SPART: variants seen among roughly 807,000 people sequenced by gnomAD.
SPART encodes the protein spartin.
A neutral mutation model predicts 58.7 loss-of-function variants in SPART; 35 were observed. The ratio of observed to expected loss-of-function variants is 0.60; its 90% CI spans 0.46 to 0.79. The LOEUF (loss-of-function observed/expected upper bound fraction) is 0.79, where lower values mean the gene tolerates loss of function less well. Among genes scored for constraint, SPART ranks in the 30% least tolerant of loss-of-function variants. SPART has a pLI of 0.00. For missense variants in SPART, 730 were observed against 786.1 expected, an observed-to-expected ratio of 0.93 and a Z score of 0.85; for synonymous variants, 284 against 280.7, an observed-to-expected ratio of 1.01 and a Z score of -0.12.
chr13:36,341,206 A>T (rs1488729965), intron 1 of SPART, among the ~76,000 whole-genome samples: 2 of 152,202 alleles, frequency 1.3e-5, no homozygotes, highest in African/African-American at 2.4e-5. Flanking sequence ...TATGTGTATG[A>T]TAGAAAATTT....
rs1293963237 is a variant in SPART at position 36,304,512 on chromosome 13, T to C, written c.1854A>G (p.Thr618=). Residue 618 remains threonine (T), a synonymous_variant, in exon 9 of 9, where the codon ACA becomes ACG. Transcript: ENST00000438666. ...GIKAMVKKTA[T]QTGHTLLEDY... is the part of the protein sequence containing the mutation. ...CCTCAAGGAGAGTGTGTCCTGTTTG[T>C]GTTGCAGTTTTCTTCACCATTGCTT... The C allele has an allele frequency of 6.8e-6, 11 of 1,614,164 alleles. No individual in the cohort carries two copies. The highest frequency in any genetic ancestry group is 9.3e-6 in the Non-Finnish European group (11 of 1,180,012).
At chr13:36,339,967 G>A (rs1167510944) in intron 1 of SPART, among the ~76,000 whole-genome samples, 1 of 152,152 alleles carries the variant, frequency 6.6e-6, no homozygotes, top group African/African-American at 2.4e-5. Context: ...TACTCAGGAA[G>A]TGAGGCAGGA....
chr13:36,337,763 T>C lies in SPART; in HGVS notation c.-2-1931A>G, dbSNP rs1456625575. On this transcript the variant is annotated intron_variant, in intron 1 of 8. Transcript: ENST00000438666. Reference sequence around the variant, plus strand: ...CGATATTGTGGTGGTTGGATTCAACTAATTCTTTTTACTTAATAATGGCCC... The same window carrying C: ...CGATATTGTGGTGGTTGGATTCAACCAATTCTTTTTACTTAATAATGGCCC... Among the ~76,000 whole-genome samples, 3 of 152,220 alleles carry C rather than the reference T, an allele frequency of 2.0e-5. No homozygotes were observed. The East Asian group carries it at 5.8e-4, about 29-fold the overall frequency.
rs554227373 is a variant in SPART, at chr13:36,320,774, C to T, written c.1288+5801G>A. ...TCCTTTCCTACAGGGTCTGAGAAGG[C>T]CACTGCAGTCATTTCTTCCCTTCTG... On this transcript the variant is annotated intron_variant, in intron 5 of 8. Transcript: ENST00000438666. Among the ~76,000 whole-genome samples the T allele has an allele frequency of 1.1e-3, 171 of 152,274 alleles. 1 individual carries two copies. Among genetic ancestry groups the T allele is most frequent in the African/African-American group, 3.9e-3 (161 of 41,540 alleles).
At chr13:36,340,152 G>A (rs1884433715) in intron 1 of SPART, among the ~76,000 whole-genome samples, 1 of 152,006 alleles carries the variant, frequency 6.6e-6, no homozygotes. Flanking sequence ...CACAAGGTCA[G>A]GAGATCGAGA....
At chr13:36,359,929 A>AAAAC (rs1555266099) in intron 1 of SPART, among the ~76,000 whole-genome samples, 9 of 151,066 alleles carry the variant, frequency 6.0e-5, no homozygotes, top group African/African-American at 1.2e-4. Flanking sequence ...AATTTAAAAA[A>AAAAC]AAAAAAAAAA....
chr13:36,339,405 C>T (rs1168759343), intron 1 of SPART, among the ~76,000 whole-genome samples: 4 of 151,652 alleles, frequency 2.6e-5, no homozygotes, highest in African/African-American at 4.8e-5. Context: ...GAGGCTGAGG[C>T]GGGCAGATCA....
intron 3 of SPART, among the ~76,000 whole-genome samples, chr13:36,330,453 C>T (rs530778142): frequency 4.0e-5 from 6 of 148,488 alleles, no homozygotes; most frequent in African/African-American, 1.3e-4. Context: ...CACACACACA[C>T]ATCCCCCACA....
At chr13:36,344,079 A>G (rs1342668145) in intron 1 of SPART, among the ~76,000 whole-genome samples, 1 of 151,930 alleles carries the variant, frequency 6.6e-6, no homozygotes, top group African/African-American at 2.4e-5. Context: ...AATGAAAATG[A>G]AAATTAGATG....
chr13:36,328,004 G>A (rs956850476), intron 4 of SPART, among the ~76,000 whole-genome samples: 6 of 152,084 alleles, frequency 3.9e-5, no homozygotes, highest in Non-Finnish European at 8.8e-5. Context: ...CAGGGGTGAG[G>A]AGACAGGGGA....
chr13:36,354,894 A>C (rs533649508), intron 1 of SPART, among the ~76,000 whole-genome samples: 2 of 152,218 alleles, frequency 1.3e-5, no homozygotes, highest in Non-Finnish European at 2.9e-5. Flanking sequence ...GTTTTGGCAT[A>C]CTTTTAATAA....
upstream of SPART, among the ~76,000 whole-genome samples, chr13:36,348,678 A>G (rs1166585646): frequency 6.6e-6 from 1 of 152,222 alleles, no homozygotes; most frequent in Non-Finnish European, 1.5e-5. Context: ...ACCATACAAC[A>G]TTGCTGAAAG....
At position 36,326,312 on chromosome 13, in the gene SPART, T is replaced by A; in HGVS notation, c.1288+263A>T. 4.4e-6 allele frequency: 2 copies of A among 454,086 alleles called. 1 individual carries two copies. Among genetic ancestry groups the A allele is most frequent in the Non-Finnish European group, 8.0e-6 (2 of 250,702 alleles). The allele number at this position is 454,086 out of a possible 1,614,324, so 28.1% of individuals were successfully genotyped here. On this transcript the variant is annotated intron_variant, in intron 5 of 8. Transcript: ENST00000438666. The stretch of plus-strand genomic sequence containing the variant: ...TAACTAATTTTAGATTCAGAACTAT[T>A]AAGAATTTGAAGATTCCTGAAGCTT...
chr13:36,332,413 G>T (rs1883546341), intron 2 of SPART, among the ~76,000 whole-genome samples: 1 of 152,030 alleles, frequency 6.6e-6, no homozygotes, highest in Admixed American at 6.6e-5. Flanking sequence ...CTGAGGCAGG[G>T]GAATCACCTG....
chr13:36,314,649 G>A (rs1221861934), intron 5 of SPART, among the ~76,000 whole-genome samples: 1 of 152,156 alleles, frequency 6.6e-6, no homozygotes, highest in East Asian at 1.9e-4. Context: ...TACCTAGAAG[G>A]CCTGAGATTT....
intron 3 of SPART, 144 bp from the exon 4 acceptor site, chr13:36,329,661 T>G: frequency 2.5e-6 from 2 of 798,522 alleles, no homozygotes; most frequent in Middle Eastern, 3.6e-4. Context: ...TTTGCTTTTT[T>G]CTCTACGATT....
upstream of SPART, among the ~76,000 whole-genome samples, chr13:36,347,380 G>C (rs1278172143): frequency 6.6e-6 from 1 of 152,008 alleles, no homozygotes; most frequent in South Asian, 2.1e-4. Context: ...CACCACTCCC[G>C]TCTAATTTTT....
At chr13:36,321,258 G>A (rs9547258) in intron 5 of SPART, among the ~76,000 whole-genome samples, 87,929 of 151,258 alleles carry the variant, frequency 0.58, 26,817 homozygotes, top group Non-Finnish European at 0.69. Context: ...TACACTGCCA[G>A]TTTACACTGT....
Position 36,329,504 on chromosome 13 carries a change from C to T in SPART, c.1022G>A (p.Arg341Lys). Residue 341 changes from arginine to lysine, a missense_variant, in exon 4 of 9, where the codon AGA (arginine) becomes AAA (lysine). By Grantham distance (26) the Arg-to-Lys change is conservative (BLOSUM62 2). Coordinates refer to ENST00000438666, the MANE Select transcript of SPART (RefSeq NM_015087.5). Reference protein sequence around the residue: ...SDLRLQANWNRAEEENEFQIP... With the variant: ...SDLRLQANWNKAEEENEFQIP... Reference sequence around the variant, plus strand: ...TTGGAATTCATTTTCTTCTTCTGCTCTGTTCCAGTTGGCCTAGAGAATAAA... The same window carrying T: ...TTGGAATTCATTTTCTTCTTCTGCTTTGTTCCAGTTGGCCTAGAGAATAAA... 1 of 1,614,130 alleles carries T rather than the reference C, an allele frequency of 6.2e-7. No individual in the cohort carries two copies. Among genetic ancestry groups the T allele is most frequent in the Non-Finnish European group, 8.5e-7 (1 of 1,180,030 alleles).
Sources: gnomAD v4.1 joint callset for allele counts (sites outside exome capture counted in the v4.1 genomes callset) on GRCh38, gnomAD v4.1.1 for gene constraint, MANE v1.5 for transcripts, NCBI Gene and HGNC (gene_info 2026-07-23, HGNC 2026-07-21) for gene names.